Variants in PCDHA1 observed in about 807,000 individuals in gnomAD.
PCDHA1 encodes protocadherin alpha-1.
Under a neutral mutation model 61.3 loss-of-function variants are expected in PCDHA1, and 42 were observed. The observed-to-expected ratio is 0.69, with a 90% confidence interval of 0.54 to 0.89. The LOEUF (loss-of-function observed/expected upper bound fraction) is 0.89, where lower values mean the gene tolerates loss of function less well. Among genes scored for constraint, PCDHA1 ranks in the 40% least tolerant of loss-of-function variants. The probability of loss-of-function intolerance (pLI) is 0.00; values close to 1 mark genes in which losing one functional copy is unlikely to be tolerated. For missense variants in PCDHA1, 1,256 were observed against 1,235.3 expected (o/e 1.02, Z -0.25); for synonymous variants, 610 against 553.8 (o/e 1.10, Z -1.43).
intron 1 of PCDHA1, among the ~76,000 whole-genome samples, chr5:140,957,259 T>A (rs1554222896): frequency 6.6e-6 from 1 of 152,182 alleles, no homozygotes; most frequent in Admixed American, 6.5e-5. Context: ...TTTAAATATG[T>A]AAGCACTAGT....
At chr5:140,960,715 CTTATTTTAGTCCA>C (rs60915889) in intron 1 of PCDHA1, among the ~76,000 whole-genome samples, 85,456 of 151,802 alleles carry the variant, frequency 0.56, 24,653 homozygotes, top group African/African-American at 0.69. Flanking sequence ...AAATACTCAT[CTTATTTTAGTCCA>C]TGATTTTAGT....
In PCDHA1 at chr5:140,947,454, C is replaced by G. The variant is rs138457341; in HGVS notation, c.2395-31495C>G. 3.0e-4 allele frequency among the ~76,000 whole-genome samples: 45 copies of G among 151,700 alleles called. No individual in the cohort carries two copies. In the East Asian group the frequency reaches 8.3e-3, roughly 28 times the overall value. On this transcript the variant is annotated intron_variant, in intron 1 of 3. Coordinates refer to ENST00000504120, the MANE Select transcript of PCDHA1 (RefSeq NM_018900.4). ...AAAATCAGCTGTGAAATCCTCCAACCTTGTTCTACTTGTAAACATTGTTTT... is the reference window on the plus strand; with the variant it reads ...AAAATCAGCTGTGAAATCCTCCAACGTTGTTCTACTTGTAAACATTGTTTT...
At chr5:140,867,118 T>G (rs2049765139) in intron 1 of PCDHA1, 1 of 152,172 alleles carries the variant, frequency 6.6e-6, no homozygotes, top group Non-Finnish European at 1.5e-5. Context: ...CATATTGTTT[T>G]AATTCAAATA....
intron 1 of PCDHA1, among the ~76,000 whole-genome samples, chr5:140,890,087 A>G (rs1284769572): frequency 6.6e-6 from 1 of 152,170 alleles, no homozygotes; most frequent in African/African-American, 2.4e-5. Context: ...TGATAATGCA[A>G]ATTTATTCCC....
At chr5:140,993,463 CACACACACACACACACACA>C (rs1563592092) in intron 3 of PCDHA1, among the ~76,000 whole-genome samples, 163 of 7,580 alleles carry the variant, frequency 0.022, 1 homozygote, top group African/African-American at 0.091. Context: ...CTTTCTTTCT[CACACACACACACACACACA>C]CACACACACA....
At chr5:140,882,732 A>G (rs782399296) in intron 1 of PCDHA1, 3 of 1,614,228 alleles carry the variant, frequency 1.9e-6, no homozygotes, top group Non-Finnish European at 2.5e-6. Context: ...TTTCCACTAG[A>G]TGGCGCATCC....
intron 1 of PCDHA1, chr5:140,966,543 A>C (rs200134570): frequency 6.5e-6 from 3 of 461,074 alleles, no homozygotes; most frequent in Admixed American, 4.3e-5. Context: ...AGCGACTCGG[A>C]GGCGAGCGGA....
chr5:140,882,170 C>G, intron 1 of PCDHA1: 1 of 1,513,564 alleles, frequency 6.6e-7, no homozygotes, highest in Non-Finnish European at 8.8e-7. Flanking sequence ...CTTGCGAATC[C>G]TTCCGCACTA....
intron 1 of PCDHA1, among the ~76,000 whole-genome samples, chr5:140,950,271 T>C (rs1202365274): frequency 6.6e-6 from 1 of 152,058 alleles, no homozygotes; most frequent in Non-Finnish European, 1.5e-5. Flanking sequence ...ATCCATAATG[T>C]CTTTTTGCTT....
intron 1 of PCDHA1, among the ~76,000 whole-genome samples, chr5:140,908,047 C>T (rs976734426): frequency 4.6e-5 from 7 of 152,208 alleles, no homozygotes; most frequent in African/African-American, 1.7e-4. Context: ...AATTGCACAT[C>T]CGGCCATTTC....
chr5:140,829,543 G>A (rs1581881467), intron 1 of PCDHA1: 4 of 1,612,982 alleles, frequency 2.5e-6, no homozygotes, highest in Non-Finnish European at 3.4e-6. Flanking sequence ...ACGCGGACGC[G>A]CAGGAGAACG....
chr5:140,977,067 A>G (rs2096744217), intron 1 of PCDHA1, among the ~76,000 whole-genome samples: 1 of 152,250 alleles, frequency 6.6e-6, no homozygotes, highest in South Asian at 2.1e-4. Context: ...TATAGAAAAT[A>G]GCAGCATGAC....
intron 1 of PCDHA1, chr5:140,876,415 G>A (rs782679956): frequency 6.2e-7 from 1 of 1,613,960 alleles, no homozygotes. Flanking sequence ...AGAGAATAAT[G>A]CCTATGAAAT....
intron 1 of PCDHA1, among the ~76,000 whole-genome samples, chr5:140,879,278 T>C (rs2057927174): frequency 6.6e-6 from 1 of 152,180 alleles, no homozygotes; most frequent in Non-Finnish European, 1.5e-5. Flanking sequence ...ACAGACTCAA[T>C]ACAAATGATA....
intron 1 of PCDHA1, among the ~76,000 whole-genome samples, chr5:140,818,082 C>T (rs1766276526): frequency 6.6e-6 from 1 of 152,132 alleles, no homozygotes. Context: ...TTCAAAGCTT[C>T]TTATATCTGT....
intron 1 of PCDHA1, among the ~76,000 whole-genome samples, chr5:140,873,090 T>G (rs540850056): frequency 6.6e-6 from 1 of 152,198 alleles, no homozygotes; most frequent in Non-Finnish European, 1.5e-5. Context: ...CCCCCCCGTA[T>G]AGAGGCATAA....
At position 140,788,589 on chromosome 5, in the gene PCDHA1, A is replaced by G. The variant is rs1554118297; in HGVS notation, c.2299A>G (p.Thr767Ala). 18 of 1,614,186 alleles carry G rather than the reference A, an allele frequency of 1.1e-5. No individual in the cohort carries two copies. Among genetic ancestry groups the G allele is most frequent in the Non-Finnish European group, 1.5e-5 (18 of 1,180,022 alleles). Residue 767 changes from threonine to alanine, a missense_variant, in exon 1 of 4, where the codon ACC becomes GCC. Coordinates refer to ENST00000504120, the MANE Select transcript of PCDHA1 (RefSeq NM_018900.4). The part of the protein sequence containing the change: ...RVCSSEGPPK[T>A]DLMAFSPGLS... ...GTGCTCTAGCGAGGGCCCACCCAAG[A>G]CCGACCTCATGGCCTTCAGCCCAGG...
intron 1 of PCDHA1, chr5:140,927,314 C>G: frequency 6.2e-7 from 1 of 1,614,194 alleles, no homozygotes; most frequent in East Asian, 2.2e-5. Flanking sequence ...ACGCCCGGAG[C>G]CCGCTTTACT....
At chr5:140,818,735 G>C (rs1766429192) in intron 1 of PCDHA1, among the ~76,000 whole-genome samples, 1 of 152,168 alleles carries the variant, frequency 6.6e-6, no homozygotes, top group Non-Finnish European at 1.5e-5. Context: ...CTACTTGGGA[G>C]GCTGAAGTTG....
Sources: gnomAD v4.1 joint callset for allele counts (sites outside exome capture counted in the v4.1 genomes callset) on GRCh38, gnomAD v4.1.1 for gene constraint, MANE v1.5 for transcripts, NCBI Gene and HGNC (gene_info 2026-07-23, HGNC 2026-07-21) for gene names.